The following SUSD3 variants were observed in gnomAD, a reference collection of about 807,000 sequenced individuals.
SUSD3 encodes the protein sushi domain-containing protein 3.
A neutral mutation model predicts 20.6 loss-of-function variants in SUSD3; 18 were observed. The ratio of observed to expected loss-of-function variants is 0.87; its 90% CI spans 0.60 to 1.30. SUSD3 has a LOEUF of 1.30. SUSD3 is among the 50% of genes most tolerant of loss of function. The pLI is 0.00. For synonymous variants in SUSD3, 137 were observed against 141.5 expected (o/e 0.97, Z 0.23); for missense variants, 306 against 346.9 (o/e 0.88, Z 0.94).
chr9:93,074,243 A>G (rs1291911247), intron 1 of SUSD3, among the ~76,000 whole-genome samples: 4 of 152,086 alleles, frequency 2.6e-5, no homozygotes, highest in Admixed American at 6.5e-5. Context: ...ATCATGGCCA[A>G]CATGGTGAAA....
At chr9:93,072,529 A>C (rs1292137963) in intron 1 of SUSD3, among the ~76,000 whole-genome samples, 1 of 152,156 alleles carries the variant, frequency 6.6e-6, no homozygotes, top group Non-Finnish European at 1.5e-5. Flanking sequence ...GCTGATGCCC[A>C]TTAATAGCCG....
At chr9:93,082,978 C>A (rs933793525) in intron 4 of SUSD3, among the ~76,000 whole-genome samples, 2 of 152,152 alleles carry the variant, frequency 1.3e-5, no homozygotes, top group East Asian at 1.9e-4. Flanking sequence ...TCTTACACTG[C>A]GGGAACTTGT....
At chr9:93,065,444 C>T (rs1825669367) in intron 1 of SUSD3, among the ~76,000 whole-genome samples, 1 of 152,242 alleles carries the variant, frequency 6.6e-6, no homozygotes, top group Non-Finnish European at 1.5e-5. Flanking sequence ...CCAACCTCTC[C>T]TCCCATCCGC....
At chr9:93,075,736 GCCCA>G in intron 1 of SUSD3, 44 bp from the exon 2 acceptor site, 1 of 272,210 alleles carries the variant, frequency 3.7e-6, no homozygotes, top group Non-Finnish European at 6.2e-6. Flanking sequence ...TGCCCTGCGT[GCCCA>G]CCCCCCCCCC....
At chr9:93,074,100 A>T (rs1826023600) in intron 1 of SUSD3, among the ~76,000 whole-genome samples, 1 of 152,156 alleles carries the variant, frequency 6.6e-6, no homozygotes, top group Non-Finnish European at 1.5e-5. Flanking sequence ...TTATAATTTT[A>T]TAAAAATTCT....
chr9:93,078,031 G>C (rs1283005904), intron 3 of SUSD3, 38 bp downstream of exon 3: 1 of 1,613,392 alleles, frequency 6.2e-7, no homozygotes, highest in Non-Finnish European at 8.5e-7. Flanking sequence ...CTCCCGGGAG[G>C]CGCCTCTTGG....
At chr9:93,069,584 T>C (rs1174365020) in intron 1 of SUSD3, among the ~76,000 whole-genome samples, 4 of 152,198 alleles carry the variant, frequency 2.6e-5, no homozygotes, top group African/African-American at 4.8e-5. Flanking sequence ...GATGCTGTTG[T>C]ATAAAATGTT....
At position 93,084,578 on chromosome 9, in the gene SUSD3, G is replaced by A. The variant is rs758748054; in HGVS notation, c.599G>A (p.Arg200His). The change falls in exon 5 of 5, where the codon CGC becomes CAC. Residue 200 changes from arginine (R) to histidine (H), a missense_variant. Arg to His is a conservative substitution (Grantham distance 29, BLOSUM62 0). Transcript: ENST00000375472. Reference protein sequence around the residue: ...ESTSKLASVTRSVDKDPGIPR... With the variant: ...ESTSKLASVTHSVDKDPGIPR... ...ACCAGCAAGCTGGCCAGTGTGACCC[G>A]CAGCGTGGACAAGGACCCTGGGATC... 2.0e-5 allele frequency: 32 copies of A among 1,601,582 alleles called. No homozygotes were observed. The highest frequency in any genetic ancestry group is 1.5e-4 in the South Asian group (13 of 88,886).
intron 1 of SUSD3, among the ~76,000 whole-genome samples, chr9:93,061,465 T>C (rs10992619): frequency 0.059 from 8,953 of 152,306 alleles, 336 homozygotes; most frequent in South Asian, 0.11. Context: ...TGGGAGTACA[T>C]GTTCCTCATT....
chr9:93,065,860 G>A (rs993821550), intron 1 of SUSD3, among the ~76,000 whole-genome samples: 69 of 152,300 alleles, frequency 4.5e-4, no homozygotes, highest in African/African-American at 1.6e-3. Flanking sequence ...GGTAGTTGAC[G>A]GAGAGCCCAA....
chr9:93,072,607 T>C (rs1825954520), intron 1 of SUSD3, among the ~76,000 whole-genome samples: 2 of 152,044 alleles, frequency 1.3e-5, no homozygotes, highest in Admixed American at 6.6e-5. Context: ...CAGATGGGCT[T>C]GTGAATTGAG....
At chr9:93,075,752 C>CCCCCCCCCCCCCCCCCCCCCCCCCT in intron 1 of SUSD3, 32 bp from the exon 2 acceptor site, 1 of 284,492 alleles carries the variant, frequency 3.5e-6, no homozygotes, top group South Asian at 3.8e-5. Flanking sequence ...CCCCCCCCCC[C>CCCCCCCCCCCCCCCCCCCCCCCCCT]CGCCATGCCT....
At chr9:93,066,697 A>T (rs1587900234) in intron 1 of SUSD3, among the ~76,000 whole-genome samples, 1 of 147,886 alleles carries the variant, frequency 6.8e-6, no homozygotes, top group South Asian at 2.1e-4. Context: ...CCATCACTCC[A>T]GTCAATTTTA....
At chr9:93,075,575 G>A (rs1826103677) in intron 1 of SUSD3, among the ~76,000 whole-genome samples, 1 of 151,868 alleles carries the variant, frequency 6.6e-6, no homozygotes, top group East Asian at 1.9e-4. Context: ...CATCTAGAGT[G>A]TACTTCATGG....
chr9:93,080,685 T>C (rs1311123023), intron 4 of SUSD3, among the ~76,000 whole-genome samples: 1 of 152,182 alleles, frequency 6.6e-6, no homozygotes, highest in African/African-American at 2.4e-5. Flanking sequence ...TGTCAGAGCC[T>C]GAGGAAGGGG....
At chr9:93,065,332 A>C (rs1825664278) in intron 1 of SUSD3, among the ~76,000 whole-genome samples, 1 of 152,074 alleles carries the variant, frequency 6.6e-6, no homozygotes, top group African/African-American at 2.4e-5. Flanking sequence ...ATGAAGTTCT[A>C]GTTTTATTTT....
chr9:93,084,032 G>A (rs1209892989), intron 4 of SUSD3, among the ~76,000 whole-genome samples: 1 of 152,104 alleles, frequency 6.6e-6, no homozygotes, highest in African/African-American at 2.4e-5. Context: ...GGAATGGCTT[G>A]GTTTGTATCT....
chr9:93,080,776 C>G (rs1826383239), intron 4 of SUSD3, among the ~76,000 whole-genome samples: 2 of 152,228 alleles, frequency 1.3e-5, no homozygotes, highest in South Asian at 4.1e-4. Context: ...CAGATCCGCT[C>G]TTGCCTTGGG....
At chr9:93,066,992 G>C (rs1236617401) in intron 1 of SUSD3, among the ~76,000 whole-genome samples, 1 of 152,208 alleles carries the variant, frequency 6.6e-6, no homozygotes. Flanking sequence ...ACAGGTGTGA[G>C]CCACCATACC....
Sources: gnomAD v4.1 joint callset for allele counts (sites outside exome capture counted in the v4.1 genomes callset) on GRCh38, gnomAD v4.1.1 for gene constraint, MANE v1.5 for transcripts, NCBI Gene and HGNC (gene_info 2026-07-23, HGNC 2026-07-21) for gene names.